Variants in PRDM16 observed in about 807,000 individuals in gnomAD.
The protein encoded by PRDM16 is histone-lysine N-methyltransferase PRDM16.
Under a neutral mutation model 110.6 loss-of-function variants are expected in PRDM16, and 23 were observed. The observed-to-expected ratio is 0.21, with a 90% confidence interval of 0.15 to 0.29. PRDM16 has a LOEUF of 0.29. Among genes scored for constraint, PRDM16 ranks in the 10% least tolerant of loss-of-function variants. The probability of loss-of-function intolerance (pLI) is 1.00; values close to 1 mark genes in which losing one functional copy is unlikely to be tolerated. For synonymous variants in PRDM16, 799 were observed against 781.8 expected (o/e 1.02, Z -0.37); for missense variants, 1,615 against 1,794.3 (o/e 0.90, Z 1.81).
chr1:3,164,259 G>C (rs548580257), intron 1 of PRDM16, among the ~76,000 whole-genome samples: 1 of 152,360 alleles, frequency 6.6e-6, no homozygotes, highest in Non-Finnish European at 1.5e-5. Context: ...ATAATTTTAG[G>C]TTGTCCTGGG....
At chr1:3,073,385 C>T (rs906165778) in intron 1 of PRDM16, among the ~76,000 whole-genome samples, 35 of 152,340 alleles carry the variant, frequency 2.3e-4, no homozygotes, top group African/African-American at 7.7e-4. Flanking sequence ...AAAAATTATC[C>T]GGGATTAAAA....
intron 1 of PRDM16, among the ~76,000 whole-genome samples, chr1:3,172,094 G>A (rs1225169135): frequency 6.6e-6 from 1 of 152,198 alleles, no homozygotes; most frequent in Non-Finnish European, 1.5e-5. Context: ...GCTGCCCTAG[G>A]TGTGGGGGCC....
At chr1:3,161,882 TAAA>T (rs1643900413) in intron 1 of PRDM16, among the ~76,000 whole-genome samples, 1 of 152,166 alleles carries the variant, frequency 6.6e-6, no homozygotes, top group Admixed American at 6.5e-5. Context: ...CAGGCTTCCC[TAAA>T]GATGTTTAAC....
Position 3,196,333 on chromosome 1 carries a change from C to T in PRDM16, c.387+9859C>T, listed in dbSNP as rs1163952823. Among the ~76,000 whole-genome samples, 3 of 152,258 alleles carry T rather than the reference C, an allele frequency of 2.0e-5. No individual in the cohort carries two copies. In the East Asian group the frequency reaches 5.8e-4, roughly 29 times the overall value. On this transcript the variant is annotated intron_variant, in intron 2 of 16. Transcript: ENST00000270722. ...TCCCTGACCCAGCCGGGCCCTGGAA[C>T]TTGACTTCACTACAGCCGATGGCCC...
At chr1:3,137,971 T>A (rs1212517104) in intron 1 of PRDM16, among the ~76,000 whole-genome samples, 1 of 152,098 alleles carries the variant, frequency 6.6e-6, no homozygotes, top group Non-Finnish European at 1.5e-5. Context: ...GGCTGGAGGG[T>A]CCGTCCCTGG....
At chr1:3,073,825 G>T (rs1320542318) in intron 1 of PRDM16, among the ~76,000 whole-genome samples, 3 of 152,164 alleles carry the variant, frequency 2.0e-5, no homozygotes, top group Non-Finnish European at 2.9e-5. Context: ...CCCTTCTAGA[G>T]CCCCAGCTTG....
In PRDM16 at chr1:3,213,078, G is replaced by A. The variant is rs544444117; in HGVS notation, c.387+26604G>A. Among the ~76,000 whole-genome samples the A allele has an allele frequency of 2.0e-4, 31 of 152,202 alleles. No homozygotes were observed. The highest frequency in any genetic ancestry group is 6.5e-4 in the African/African-American group (27 of 41,548). The stretch of plus-strand genomic sequence containing the variant: ...TCGCCCGCCTGCCGCACGCTTCCCC[G>A]GGAGGCCGAGCTCAGGAAGACGCGG... On this transcript the variant is annotated intron_variant, in intron 2 of 16. Coordinates refer to ENST00000270722, the MANE Select transcript of PRDM16 (RefSeq NM_022114.4). The surrounding 1 kb of genome is among the most constrained non-coding windows in gnomAD (Gnocchi z 5.3).
chr1:3,118,493 G>C (rs899354175), intron 1 of PRDM16, among the ~76,000 whole-genome samples: 9 of 152,196 alleles, frequency 5.9e-5, no homozygotes, highest in Admixed American at 3.9e-4. Context: ...ATTCCGGGTA[G>C]TGTGGCCAGG....
intron 1 of PRDM16, among the ~76,000 whole-genome samples, chr1:3,111,617 G>T (rs948996096): frequency 6.6e-6 from 1 of 152,100 alleles, no homozygotes; most frequent in Non-Finnish European, 1.5e-5. Context: ...GGAGCCCAGC[G>T]CACGGAAAGG....
intron 1 of PRDM16, among the ~76,000 whole-genome samples, chr1:3,087,709 G>A (rs917814112): frequency 3.9e-5 from 6 of 152,180 alleles, no homozygotes; most frequent in South Asian, 2.1e-4. Context: ...TGGCCCTCGC[G>A]ATGGCTGGAA....
At chr1:3,167,606 A>G (rs57159341) in intron 1 of PRDM16, among the ~76,000 whole-genome samples, 3,556 of 23,308 alleles carry the variant, frequency 0.15, 378 homozygotes, top group African/African-American at 0.35. Flanking sequence ...GCCTCCCAGC[A>G]CCTCTGTGAC....
At chr1:3,413,300 G>T (rs1643726000) in intron 9 of PRDM16, among the ~76,000 whole-genome samples, 1 of 152,124 alleles carries the variant, frequency 6.6e-6, no homozygotes, top group Non-Finnish European at 1.5e-5. Flanking sequence ...ATGGGGAGGG[G>T]GTGTCTTTCT....
At chr1:3,431,303 C>T (rs1638762458) in intron 15 of PRDM16, among the ~76,000 whole-genome samples, 195 bp downstream of exon 15, 1 of 152,122 alleles carries the variant, frequency 6.6e-6, no homozygotes, top group Non-Finnish European at 1.5e-5. Context: ...GCCCTTAACC[C>T]CCCCACCCAC....
chr1:3,403,656 T>C (rs1643511949), intron 6 of PRDM16, among the ~76,000 whole-genome samples: 1 of 152,186 alleles, frequency 6.6e-6, no homozygotes, highest in Non-Finnish European at 1.5e-5. Context: ...CTGGGCGGCC[T>C]TGGGGACCTG....
chr1:3,368,899 C>A (rs1283455998), intron 3 of PRDM16, among the ~76,000 whole-genome samples: 1 of 152,240 alleles, frequency 6.6e-6, no homozygotes, highest in Admixed American at 6.5e-5. Context: ...CTTCTATACA[C>A]CCCCATTCAA....
At position 3,339,689 on chromosome 1, in the gene PRDM16, G is replaced by A. The variant is rs1436100471; in HGVS notation, c.439-45463G>A. Among the ~76,000 whole-genome samples, 2 of 152,136 alleles carry A rather than the reference G, an allele frequency of 1.3e-5. No individual in the cohort carries two copies. The highest frequency in any genetic ancestry group is 4.8e-5 in the African/African-American group (2 of 41,430). On this transcript the variant is annotated intron_variant, in intron 3 of 16. Transcript: ENST00000270722. The surrounding 1 kb of genome is among the most constrained non-coding windows in gnomAD (Gnocchi z 5.0). ...CTGCATTGTGTGTGTGGTGGGGGGT[G>A]TGCAGAGCTCAGTTACCCCATCTGC...
chr1:3,177,098 T>G (rs1026318051), intron 1 of PRDM16, among the ~76,000 whole-genome samples: 5 of 152,174 alleles, frequency 3.3e-5, no homozygotes, highest in Admixed American at 2.0e-4. Flanking sequence ...CATCCACTTA[T>G]CTATGTATTC....
intron 3 of PRDM16, among the ~76,000 whole-genome samples, chr1:3,257,955 C>G (rs995652921): frequency 6.6e-6 from 1 of 152,162 alleles, no homozygotes; most frequent in Admixed American, 6.5e-5. Context: ...GGGTGGGGAG[C>G]TGTCCTGGGT....
chr1:3,404,728 C>T lies in PRDM16; in HGVS notation c.885-11C>T. 6.2e-7 allele frequency: 1 copy of T among 1,612,998 alleles called. No homozygotes were observed. The highest frequency in any genetic ancestry group is 8.5e-7 in the Non-Finnish European group (1 of 1,179,864). ...AGTCGGGCCCCGCAGTGAGCCTCGT[C>T]CTCTGCGCAGCCTGGAGCAGCACAT... On this transcript the variant is annotated splice_polypyrimidine_tract_variant and intron_variant, in intron 6 of 16. Transcript: ENST00000270722.
Sources: allele counts gnomAD v4.1 joint callset (sites outside exome capture counted in the v4.1 genomes callset), GRCh38; gene constraint gnomAD v4.1.1; non-coding constraint Gnocchi (gnomAD v3.1); transcripts MANE v1.5; gene names NCBI Gene and HGNC (gene_info 2026-07-23, HGNC 2026-07-21).